The following TTN variants were observed in gnomAD, a reference collection of about 807,000 sequenced individuals.
TTN encodes the protein connectin.
TTN carries 1,525 observed loss-of-function variants against 3,223.0 expected under a neutral mutation model. The observed-to-expected ratio is 0.47, with a 90% CI of 0.45 to 0.49. TTN has a LOEUF of 0.49. Among genes scored for constraint, TTN ranks in the 20% least tolerant of loss-of-function variants. The pLI is 0.00. For synonymous variants in TTN, 14,094 were observed against 15,161.0 expected, an observed-to-expected ratio of 0.93 and a Z score of 5.17; for missense variants, 40,786 against 43,424.0, an observed-to-expected ratio of 0.94 and a Z score of 5.40.
In TTN at chr2:178,635,989, T is replaced by G. The variant is rs1553746267; in HGVS notation, c.41582A>C (p.Glu13861Ala). The G allele has an allele frequency of 1.2e-6, 2 of 1,608,536 alleles. No individual in the cohort carries two copies. The highest frequency in any genetic ancestry group is 1.7e-6 in the Non-Finnish European group (2 of 1,176,294). The change falls in exon 226 of 363, where the codon GAG becomes GCG. Residue 13861 changes from glutamate (E) to alanine (A), a missense_variant. Transcript: ENST00000589042. ...TACTACTTTTACGCAAGATGAACAC[T>G]CCAGGTTGTTGGCGTTTTCCACAGT... ...TVTVENANNLECSSCVKVVEV... is the reference protein window; with the variant it reads ...TVTVENANNLACSSCVKVVEV...
intron 127 of TTN, among the ~76,000 whole-genome samples, chr2:178,686,111 T>G (rs1330052004): frequency 3.9e-5 from 5 of 128,596 alleles, no homozygotes; most frequent in African/African-American, 1.6e-4. Flanking sequence ...TATACAGTTT[T>G]AATTTTTTTT....
intron 223 of TTN, among the ~76,000 whole-genome samples, chr2:178,638,443 T>C (rs1008039328): frequency 6.6e-6 from 1 of 151,488 alleles, no homozygotes; most frequent in Non-Finnish European, 1.5e-5. Context: ...ATTTTTATTA[T>C]TAGGTTCAGA....
In TTN at chr2:178,588,161, A is replaced by G. The variant is rs2049445351; in HGVS notation, c.63246T>C (p.Thr21082=). ...RVVDTTKHSI[T]LGWGKPVYDG... is the part of the protein sequence containing the mutation. ...CATAGACTGGTTTTCCCCACCCAAG[A>G]GTTATGGAATGTTTGGTTGTATCAA... The change falls in exon 305 of 363, where the codon ACT becomes ACC. Residue 21082 remains threonine (T), a synonymous_variant. Transcript: ENST00000589042. The G allele has an allele frequency of 1.2e-6, 2 of 1,606,248 alleles. No homozygotes were observed. The highest frequency in any genetic ancestry group is 1.7e-6 in the Non-Finnish European group (2 of 1,174,258).
intron 88 of TTN, among the ~76,000 whole-genome samples, chr2:178,716,698 T>C (rs1041743824): frequency 4.6e-5 from 7 of 152,170 alleles, no homozygotes; most frequent in African/African-American, 1.7e-4. Context: ...GGCTTGATAG[T>C]TTGGCTCTTT....
At chr2:178,603,836 T>G in intron 282 of TTN, 40 bp downstream of exon 282, 1 of 1,515,922 alleles carries the variant, frequency 6.6e-7, no homozygotes, top group Non-Finnish European at 8.9e-7. Context: ...AGTGACTTTG[T>G]GCTTTAGAAA....
rs774448134 is a variant in TTN at position 178,570,530 on chromosome 2, A to C, written c.75602T>G (p.Val25201Gly). The C allele has an allele frequency of 6.2e-7, 1 of 1,613,322 alleles. No individual in the cohort carries two copies. The change falls in exon 326 of 363, where the codon GTT becomes GGT. Residue 25201 changes from valine to glycine, a missense_variant. Transcript: ENST00000589042. ...GERSVTVNVK[V>G]LDRPGPPEGP... ...TTCAGGTGGCCCTGGTCTGTCAAGA[A>C]CCTTGACATTCACAGTAACTGATCT...
Position 178,547,011 on chromosome 2 carries a change from T to G in TTN, c.94514A>C (p.Asn31505Thr), listed in dbSNP as rs755756435. The G allele has an allele frequency of 3.1e-6, 5 of 1,608,524 alleles. No individual in the cohort carries two copies. The South Asian group carries it at 5.5e-5, about 18-fold the overall frequency. Residue 31505 changes from asparagine to threonine, a missense_variant, in exon 340 of 363, where the codon AAT (asparagine) becomes ACT (threonine). By Grantham distance (65) the Asn-to-Thr change is moderately conservative. Transcript: ENST00000589042. ...SEASRPIMAQ[N>T]PVDAPGRPEV... is the part of the protein sequence containing the mutation. ...TAAATTGTGATACATACCAACTGGA[T>G]TTTGAGCCATTATAGGTCTTGAAGC...
In TTN at chr2:178,622,704, C is replaced by G. The variant is rs764153170; in HGVS notation, c.44879G>C (p.Arg14960Pro). The G allele has an allele frequency of 6.2e-7, 1 of 1,606,978 alleles. No homozygotes were observed. The highest frequency in any genetic ancestry group is 8.5e-7 in the Non-Finnish European group (1 of 1,176,774). The change falls in exon 243 of 363, where the codon CGA (arginine) becomes CCA (proline). Residue 14960 changes from arginine (R) to proline (P), a missense_variant. Transcript: ENST00000589042. ...TTCTCGGGAAAGTTCACACTCAAAT[C>G]GAGCCATTTCTTTTTCTCTAACTTG... ...DLQVREKEMARFECELSRENA... is the reference protein window; with the variant it reads ...DLQVREKEMAPFECELSRENA...
chr2:178,608,630 G>A lies in TTN; in HGVS notation c.52381C>T (p.Pro17461Ser), dbSNP rs2055511936. The A allele has an allele frequency of 6.2e-7, 1 of 1,611,254 alleles. No homozygotes were observed. The highest frequency in any genetic ancestry group is 8.5e-7 in the Non-Finnish European group (1 of 1,178,746). ...FGPGPPCVSK[P>S]LVAKDPFGPP... ...CCAAATGGATCTTTAGCCACAAGTG[G>A]CTTTGAAACACATGGTGGACCTGGC... Residue 17461 changes from proline to serine, a missense_variant, in exon 274 of 363, where the codon CCA becomes TCA. Physicochemically the swap from Pro to Ser is moderately conservative, Grantham distance 74 (BLOSUM62 -1). Transcript: ENST00000589042.
rs775145999 is a variant in TTN at position 178,721,931 on chromosome 2, C to G, written c.22732G>C (p.Gly7578Arg). 26 of 1,613,514 alleles carry G rather than the reference C, an allele frequency of 1.6e-5. No homozygotes were observed. Among genetic ancestry groups the G allele is most frequent in the Non-Finnish European group, 2.2e-5 (26 of 1,179,588 alleles). The stretch of plus-strand genomic sequence containing the variant: ...GTATATTGACCAGAGTCTCCTTTGC[C>G]TACTTTAAGAATTCTCAAATGAGGA... ...NTPHLRILKV[G>R]KGDSGQYTCQ... Residue 7578 changes from glycine to arginine, a missense_variant, in exon 78 of 363, where the codon GGC becomes CGC. Coordinates refer to ENST00000589042, the MANE Select transcript of TTN (RefSeq NM_001267550.2).
chr2:178,739,264 T>G lies in TTN; in HGVS notation c.13969A>C (p.Asn4657His), dbSNP rs200204761. 1.5e-3 allele frequency: 2,457 copies of G among 1,610,242 alleles called. 33 individuals are homozygous for G. In the South Asian group the frequency reaches 0.017, roughly 11 times the overall value. ...TTGTCGATGACTAGCGTATATGTAT[T>G]TTGATCTTGTAAACACTTGAACTTT... Reference protein sequence around the residue: ...DEKFKCLQDQNTYTLVIDKVN... With the variant: ...DEKFKCLQDQHTYTLVIDKVN... The change falls in exon 48 of 363, where the codon AAT becomes CAT. Residue 4657 changes from asparagine to histidine, a missense_variant. Coordinates refer to ENST00000589042, the MANE Select transcript of TTN (RefSeq NM_001267550.2).
At position 178,633,939 on chromosome 2, in the gene TTN, A is replaced by C. The variant is rs755713534; in HGVS notation, c.42560T>G (p.Val14187Gly). Residue 14187 changes from valine (V) to glycine (G), a missense_variant, in exon 231 of 363, where the codon GTA becomes GGA. Coordinates refer to ENST00000589042, the MANE Select transcript of TTN (RefSeq NM_001267550.2). ...AGTCTTGCCCTCAGAAGAGATGAGTACTGTTCTGCTTGTATGGAGTTTGGC... is the reference window on the plus strand; with the variant it reads ...AGTCTTGCCCTCAGAAGAGATGAGTCCTGTTCTGCTTGTATGGAGTTTGGC... Reference protein sequence around the residue: ...NDAKLHTSRTVLISSEGKTHK... With the variant: ...NDAKLHTSRTGLISSEGKTHK... 1 of 1,613,386 alleles carries C rather than the reference A, an allele frequency of 6.2e-7. No individual in the cohort carries two copies. Among genetic ancestry groups the C allele is most frequent in the South Asian group, 1.1e-5 (1 of 91,076 alleles).
chr2:178,696,938 G>A (rs1173279320), intron 113 of TTN, among the ~76,000 whole-genome samples, 183 bp downstream of exon 113: 2 of 151,940 alleles, frequency 1.3e-5, no homozygotes, highest in Non-Finnish European at 2.9e-5. Context: ...ACATCTGCCT[G>A]GGTTTGTTTT....
chr2:178,618,322 C>T lies in TTN; in HGVS notation c.47136G>A (p.Glu15712=), dbSNP rs1477248428. 2 of 1,612,714 alleles carry T rather than the reference C, an allele frequency of 1.2e-6. No homozygotes were observed. Among genetic ancestry groups the T allele is most frequent in the Non-Finnish European group, 1.7e-6 (2 of 1,179,140 alleles). Residue 15712 remains glutamate, a synonymous_variant, in exon 252 of 363, where the codon GAG becomes GAA. Coordinates refer to ENST00000589042, the MANE Select transcript of TTN (RefSeq NM_001267550.2). ...GACCAGTGACAGTAAACTCACAACT[C>T]TCTGCACGGTCTGTGGCCAGAACCC... The part of the protein sequence containing the change: ...KTWVLATDRA[E]SCEFTVTGLQ...
In TTN at chr2:178,775,979, TG is replaced by T; in HGVS notation, c.5884del (p.Gln1962LysfsTer16). On this transcript the variant is annotated frameshift_variant, in exon 28 of 363. Transcript: ENST00000589042. LOFTEE classifies it high-confidence loss of function. ...HEPGKLQFEV[Q>X]KVDRPVDTTE... ...GGTGTCAACAGGTCTATCCACTTTT[TG>T]TACTTCAAACTGAAGCTTTCCTGGT... The T allele has an allele frequency of 6.2e-7, 1 of 1,614,188 alleles. No homozygotes were observed. Among genetic ancestry groups the T allele is most frequent in the Non-Finnish European group, 8.5e-7 (1 of 1,180,010 alleles).
At chr2:178,790,677 A>G in intron 11 of TTN, 31 bp downstream of exon 11, 2 of 1,613,950 alleles carry the variant, frequency 1.2e-6, no homozygotes, top group Non-Finnish European at 1.7e-6. Context: ...ATGGTGCAAG[A>G]GTGACTTTCA....
rs150733188 is a variant in TTN at position 178,684,711 on chromosome 2, C to A, written c.32593G>T (p.Val10865Phe). The stretch of plus-strand genomic sequence containing the variant: ...TCCATCTTAATGACTTTTGGAGGAA[C>A]CTTTTTTTCTGGAACTGGTTTCTTT... ...EPKKPVPEKK[V>F]PPKVIKMEEP... Residue 10865 changes from valine (V) to phenylalanine (F), a missense_variant, in exon 131 of 363, where the codon GTT becomes TTT. Coordinates refer to ENST00000589042, the MANE Select transcript of TTN (RefSeq NM_001267550.2). 1.2e-6 allele frequency: 2 copies of A among 1,613,548 alleles called. No individual in the cohort carries two copies. Among genetic ancestry groups the A allele is most frequent in the South Asian group, 1.1e-5 (1 of 91,004 alleles).
In TTN at chr2:178,530,070, C is replaced by G; in HGVS notation, c.106421G>C (p.Gly35474Ala). 6.2e-7 allele frequency: 1 copy of G among 1,611,060 alleles called. No individual in the cohort carries two copies. The stretch of plus-strand genomic sequence containing the variant: ...AGTCTTATGAATTTCTAAGAAGAAC[C>G]CTCCCTTGTCTTCAGAGAGTTTATA... ...GKYKLSEDKG[G>A]FFLEIHKTDT... Residue 35474 changes from glycine to alanine, a missense_variant, in exon 359 of 363, where the codon GGG (glycine) becomes GCG (alanine). Coordinates refer to ENST00000589042, the MANE Select transcript of TTN (RefSeq NM_001267550.2).
At chr2:178,800,274 T>G in intron 4 of TTN, 121 bp downstream of exon 4, 1 of 1,364,320 alleles carries the variant, frequency 7.3e-7, no homozygotes, top group Non-Finnish European at 1.0e-6. Flanking sequence ...AAAGCCAGCT[T>G]TTATATCAGC....
Sources: allele counts gnomAD v4.1 joint callset (sites outside exome capture counted in the v4.1 genomes callset), GRCh38; gene constraint gnomAD v4.1.1; transcripts MANE v1.5; gene names NCBI Gene and HGNC (gene_info 2026-07-23, HGNC 2026-07-21).